The following MARK4 variants were observed in gnomAD, a reference collection of about 807,000 sequenced individuals.
MARK4 encodes MAP/microtubule affinity-regulating kinase 4.
Under a neutral mutation model 81.5 loss-of-function variants are expected in MARK4, and 19 were observed. That is an observed-to-expected ratio of 0.23 (90% CI 0.16 to 0.34). The LOEUF is 0.34. Ranked by LOEUF, MARK4 falls within the 10% of genes least tolerant of loss-of-function variation. The pLI is 1.00. For missense variants in MARK4, 772 were observed against 1,058.8 expected (o/e 0.73, Z 3.76); for synonymous variants, 436 against 439.0 (o/e 0.99, Z 0.08).
intron 14 of MARK4, 24 bp downstream of exon 14, chr19:45,294,476 T>C (rs188306297): frequency 6.2e-7 from 1 of 1,602,878 alleles, no homozygotes; most frequent in Admixed American, 1.7e-5. Context: ...AGCAACAGGG[T>C]GAGGGGTGGG....
chr19:45,289,079 G>C (rs558580719), intron 13 of MARK4, among the ~76,000 whole-genome samples: 1 of 151,964 alleles, frequency 6.6e-6, no homozygotes, highest in Admixed American at 6.6e-5. Flanking sequence ...GCCAATTGTG[G>C]GCCTAAACTT....
At chr19:45,265,539 G>A (rs568179825) in intron 6 of MARK4, among the ~76,000 whole-genome samples, 8 of 151,990 alleles carry the variant, frequency 5.3e-5, no homozygotes, top group Admixed American at 2.0e-4. Context: ...GCAGGTGTGA[G>A]GGTGCCCAGG....
At chr19:45,262,435 C>T (rs777760953) in intron 2 of MARK4, among the ~76,000 whole-genome samples, 24 of 152,160 alleles carry the variant, frequency 1.6e-4, no homozygotes, top group African/African-American at 3.1e-4. Context: ...TAAGAGTTCT[C>T]GTTTGTAAAG....
At chr19:45,256,634 C>T (rs1336444623) in intron 1 of MARK4, among the ~76,000 whole-genome samples, 1 of 152,128 alleles carries the variant, frequency 6.6e-6, no homozygotes, top group Non-Finnish European at 1.5e-5. Flanking sequence ...GAGGAGGAGC[C>T]TCGAGTCCAG....
At position 45,264,860 on chromosome 19, in the gene MARK4, G is replaced by A. The variant is rs1289943426; in HGVS notation, c.442G>A (p.Val148Met). The change falls in exon 6 of 17, where the codon GTG becomes ATG. Residue 148 changes from valine to methionine, a missense_variant. By Grantham distance (21) the Val-to-Met change is conservative. This residue lies in a region of MARK4 where 109 missense variants were observed against 294.7 expected (regional missense o/e 0.37). Coordinates refer to ENST00000262891, the MANE Select transcript of MARK4 (RefSeq NM_001199867.2). The part of the protein sequence containing the change: ...ASAGEVFDYL[V>M]SHGRMKEKEA... The stretch of plus-strand genomic sequence containing the variant: ...TGCAGGAGAAGTGTTTGACTACCTC[G>A]TGTCGCATGGCCGCATGAAGGAGAA... 2.5e-6 allele frequency: 4 copies of A among 1,614,016 alleles called. No individual in the cohort carries two copies. The highest frequency in any genetic ancestry group is 2.2e-5 in the East Asian group (1 of 44,882).
rs1237218173 is a variant in MARK4 at position 45,293,469 on chromosome 19, C to T, written c.1495-880C>T. 9.2e-5 allele frequency among the ~76,000 whole-genome samples: 14 copies of T among 152,184 alleles called. No individual in the cohort carries two copies. In the East Asian group the frequency reaches 2.7e-3, roughly 29 times the overall value. On this transcript the variant is annotated intron_variant, in intron 13 of 16. Transcript: ENST00000262891. ...TGAAATGGACACATTACTTTAAAAA[C>T]ACACTGTATCAAAACTGACACAAGA...
Position 45,303,746 on chromosome 19 carries a change from G to A in MARK4, c.*1036G>A, listed in dbSNP as rs1172935026. The A allele has an allele frequency of 1.3e-5, 2 of 152,258 alleles. No homozygotes were observed. Among genetic ancestry groups the A allele is most frequent in the African/African-American group, 4.8e-5 (2 of 41,456 alleles). 9.4% of individuals were successfully genotyped at this position (152,258 alleles called of 1,614,324 possible). On this transcript the variant is annotated 3_prime_UTR_variant, in exon 17 of 17. Transcript: ENST00000262891. ...CATGAAGCTCTGTCTGTGGGAGACA[G>A]GGATTCTGACACAGACACCGGACAA...
intron 5 of MARK4, 29 bp downstream of exon 5, chr19:45,264,778 C>G: frequency 6.2e-7 from 1 of 1,613,964 alleles, no homozygotes. Flanking sequence ...CCGCCCTGCC[C>G]CTGTGCCACC....
intron 8 of MARK4, 123 bp from the exon 9 acceptor site, chr19:45,277,800 T>C: frequency 8.4e-7 from 1 of 1,187,960 alleles, no homozygotes; most frequent in Non-Finnish European, 1.1e-6. Flanking sequence ...CTGTCACTTC[T>C]ATCAAAGGGG....
At position 45,271,553 on chromosome 19, in the gene MARK4, A is replaced by C. The variant is rs1970527446; in HGVS notation, c.631A>C (p.Lys211Gln). 1 of 1,614,232 alleles carries C rather than the reference A, an allele frequency of 6.2e-7. No individual in the cohort carries two copies. The highest frequency in any genetic ancestry group is 8.5e-7 in the Non-Finnish European group (1 of 1,180,042). Residue 211 changes from lysine (K) to glutamine (Q), a missense_variant, in exon 8 of 17, where the codon AAG (lysine) becomes CAG (glutamine). Lys to Gln is a moderately conservative substitution (Grantham distance 53). Around this residue, in one of 3 missense-constraint regions of MARK4, gnomAD observed 109 missense variants for 294.7 expected, o/e 0.37. Transcript: ENST00000262891. The surrounding 1 kb of genome is among the most constrained non-coding windows in gnomAD (Gnocchi z 4.1). ...GFSNEFTLGS[K>Q]LDTFCGSPPY... ...CAGCAACGAGTTCACGCTGGGATCGAAGCTGGACACGTTCTGCGGGAGCCC... is the reference window on the plus strand; with the variant it reads ...CAGCAACGAGTTCACGCTGGGATCGCAGCTGGACACGTTCTGCGGGAGCCC...
intron 13 of MARK4, among the ~76,000 whole-genome samples, chr19:45,291,610 A>G (rs959758524): frequency 6.6e-6 from 1 of 152,084 alleles, no homozygotes; most frequent in African/African-American, 2.4e-5. Context: ...GTGAAACCCC[A>G]TCTCTACTAA....
At chr19:45,268,288 T>A (rs1367474162) in intron 7 of MARK4, among the ~76,000 whole-genome samples, 2 of 151,588 alleles carry the variant, frequency 1.3e-5, no homozygotes, top group Non-Finnish European at 2.9e-5. Context: ...CAAAAAATAA[T>A]TGTAAAAAAT....
chr19:45,287,288 G>A (rs1435579780), intron 12 of MARK4, among the ~76,000 whole-genome samples, 159 bp from the exon 13 acceptor site: 1 of 151,440 alleles, frequency 6.6e-6, no homozygotes, highest in Non-Finnish European at 1.5e-5. Context: ...GTCAGTATAT[G>A]TGCGTTGGTA....
At position 45,258,924 on chromosome 19, in the gene MARK4, G is replaced by A. The variant is rs113047826; in HGVS notation, c.52-65G>A. The A allele has an allele frequency of 7.2e-4, 1,125 of 1,555,026 alleles. 17 individuals are homozygous for A. The African/African-American group carries it at 0.013, about 18-fold the overall frequency. ...CCGGTAGCCAGGCCTCAAGTTAAGTGCACTAGCCCACGGGTTCCACGGAAG... is the reference window on the plus strand; with the variant it reads ...CCGGTAGCCAGGCCTCAAGTTAAGTACACTAGCCCACGGGTTCCACGGAAG... On this transcript the variant is annotated intron_variant, in intron 1 of 16. Transcript: ENST00000262891.
At position 45,302,412 on chromosome 19, in the gene MARK4, G is replaced by A. The variant is rs750452926; in HGVS notation, c.1961G>A (p.Arg654Gln). The A allele has an allele frequency of 1.9e-6, 3 of 1,614,014 alleles. No homozygotes were observed. The highest frequency in any genetic ancestry group is 1.7e-5 in the Admixed American group (1 of 59,998). The change falls in exon 17 of 17, where the codon CGG (arginine) becomes CAG (glutamine). Residue 654 changes from arginine to glutamine, a missense_variant. Arg to Gln is a conservative substitution (Grantham distance 43). Coordinates refer to ENST00000262891, the MANE Select transcript of MARK4 (RefSeq NM_001199867.2). The surrounding 1 kb of genome is among the most constrained non-coding windows in gnomAD (Gnocchi z 4.9). ...TGGGATCAAACGGAAACCGCCCCCC[G>A]GCTGCTCCGATTCCCCTGGAGTGTG... ...LPWDQTETAP[R>Q]LLRFPWSVKL...
intron 13 of MARK4, among the ~76,000 whole-genome samples, chr19:45,292,347 A>C (rs557624529): frequency 6.6e-6 from 1 of 152,206 alleles, no homozygotes; most frequent in Non-Finnish European, 1.5e-5. Flanking sequence ...TTTGAATTAC[A>C]TTAATGAGCC....
At position 45,302,464 on chromosome 19, in the gene MARK4, G is replaced by A; in HGVS notation, c.2013G>A (p.Glu671=). Reference sequence around the variant, plus strand: ...AGCTGACCAGCTCGCGCCCTCCTGAGGCCCTGATGGCAGCTCTGCGCCAGG... The same window carrying A: ...AGCTGACCAGCTCGCGCCCTCCTGAAGCCCTGATGGCAGCTCTGCGCCAGG... ...SVKLTSSRPP[E]ALMAALRQAT... Residue 671 remains glutamate, a synonymous_variant, in exon 17 of 17, where the codon GAG becomes GAA. Coordinates refer to ENST00000262891, the MANE Select transcript of MARK4 (RefSeq NM_001199867.2). This position sits in a 1 kb window ranked among gnomAD's most constrained non-coding sequence, Gnocchi z 4.9. The A allele has an allele frequency of 6.2e-7, 1 of 1,612,974 alleles. No homozygotes were observed. The highest frequency in any genetic ancestry group is 1.3e-5 in the African/African-American group (1 of 75,054).
chr19:45,300,766 G>A (rs1304615930), intron 16 of MARK4, among the ~76,000 whole-genome samples: 1 of 152,104 alleles, frequency 6.6e-6, no homozygotes, highest in Non-Finnish European at 1.5e-5. Context: ...CATTGGTTGG[G>A]ACTTGGTCAC....
chr19:45,287,533 C>T lies in MARK4; in HGVS notation c.1363C>T (p.Arg455Trp), dbSNP rs202113425. ...AELKEERLPG[R>W]KASCSTAGSG... ...GCTGAAGGAGGAGCGGCTGCCAGGC[C>T]GGAAGGCGAGCTGCAGCACCGCGGG... The change falls in exon 13 of 17, where the codon CGG becomes TGG. Residue 455 changes from arginine (R) to tryptophan (W), a missense_variant. By Grantham distance (101) the Arg-to-Trp change is moderately radical. Around this residue, in one of 3 missense-constraint regions of MARK4, gnomAD observed 548 missense variants for 624.3 expected, o/e 0.88. Coordinates refer to ENST00000262891, the MANE Select transcript of MARK4 (RefSeq NM_001199867.2). The T allele has an allele frequency of 5.1e-5, 80 of 1,572,248 alleles. No homozygotes were observed. Among genetic ancestry groups the T allele is most frequent in the Non-Finnish European group, 2.0e-5 (23 of 1,156,784 alleles).
Sources: allele counts gnomAD v4.1 joint callset (sites outside exome capture counted in the v4.1 genomes callset), GRCh38; gene constraint gnomAD v4.1.1; regional missense constraint gnomAD v4.1.1; non-coding constraint Gnocchi (gnomAD v3.1); transcripts MANE v1.5; gene names NCBI Gene and HGNC (gene_info 2026-07-23, HGNC 2026-07-21).